DNAH12: variants seen among roughly 807,000 people sequenced by gnomAD.
The protein encoded by DNAH12 is dynein axonemal heavy chain 12.
A neutral mutation model predicts 371.5 loss-of-function variants in DNAH12; 285 were observed. The observed-to-expected ratio is 0.77, with a 90% CI of 0.70 to 0.85. DNAH12 has a LOEUF of 0.85. Among genes scored for constraint, DNAH12 ranks in the 40% least tolerant of loss-of-function variants. The pLI, the probability that DNAH12 is intolerant of heterozygous loss-of-function variation, is 0.00. For missense variants in DNAH12, 3,611 were observed against 3,689.4 expected, an observed-to-expected ratio of 0.98 and a Z score of 0.55; for synonymous variants, 1,200 against 1,213.0, an observed-to-expected ratio of 0.99 and a Z score of 0.22.
intron 59 of DNAH12, among the ~76,000 whole-genome samples, chr3:57,355,238 T>C (rs977555635): frequency 6.6e-6 from 1 of 152,156 alleles, no homozygotes; most frequent in East Asian, 1.9e-4. Flanking sequence ...ACCATGGGAA[T>C]GGGATGGAAG....
chr3:57,312,520 A>G (rs1470337133), intron 66 of DNAH12, among the ~76,000 whole-genome samples: 1 of 152,242 alleles, frequency 6.6e-6, no homozygotes, highest in African/African-American at 2.4e-5. Flanking sequence ...TACCAGGTGA[A>G]GATGGCTTAA....
At chr3:57,524,579 T>C (rs1448448489) in intron 2 of DNAH12, among the ~76,000 whole-genome samples, 2 of 151,956 alleles carry the variant, frequency 1.3e-5, no homozygotes, top group East Asian at 3.9e-4. Flanking sequence ...CAAGGACTGA[T>C]GAACTGTTTA....
At position 57,499,673 on chromosome 3, in the gene DNAH12, T is replaced by TACACAC. The variant is rs1553711698; in HGVS notation, c.1335+1647_1335+1648insGTGTGT. Among the ~76,000 whole-genome samples, 11 of 44,462 alleles carry TACACAC rather than the reference T, an allele frequency of 2.5e-4. 1 individual carries two copies. The highest frequency in any genetic ancestry group is 6.2e-4 in the African/African-American group (7 of 11,236). 29.2% of individuals were successfully genotyped at this position (44,462 alleles called of 152,430 possible). A position where few individuals can be genotyped will look rare whatever the true frequency, so the allele number is the denominator to read the frequency against. On this transcript the variant is annotated intron_variant, in intron 11 of 73. Transcript: ENST00000495027. ...ATATATATATATATATATATATATA[T>TACACAC]ATACTTCTTAAAAAAATTAGCCAGG...
At chr3:57,440,442 C>T (rs1452634073) in intron 29 of DNAH12, among the ~76,000 whole-genome samples, 1 of 152,176 alleles carries the variant, frequency 6.6e-6, no homozygotes, top group Non-Finnish European at 1.5e-5. Flanking sequence ...CCAAATACTG[C>T]ATGTTCTCAC....
intron 73 of DNAH12, among the ~76,000 whole-genome samples, chr3:57,294,176 C>CTTTT (rs62779960): frequency 7.7e-6 from 1 of 129,104 alleles, no homozygotes; most frequent in Admixed American, 7.9e-5. Flanking sequence ...CTTTTCTTTT[C>CTTTT]TTTTTTTTTT....
Position 57,323,478 on chromosome 3 carries a change from G to C in DNAH12, c.10120C>G (p.Pro3374Ala), listed in dbSNP as rs759090663. The C allele has an allele frequency of 1.9e-6, 3 of 1,545,848 alleles. No homozygotes were observed. Among genetic ancestry groups the C allele is most frequent in the Middle Eastern group, 1.7e-4 (1 of 5,982 alleles). Residue 3374 changes from proline to alanine, a missense_variant, in exon 63 of 74, where the codon CCT (proline) becomes GCT (alanine). This residue lies in a region of DNAH12 where 2,266 missense variants were observed against 2,236.9 expected (regional missense o/e 1.01). Transcript: ENST00000495027. ...LIFVLSPGAD[P>A]MASLLKFAND... Reference sequence around the variant, plus strand: ...CAGTATATGCACTTACTGGCCATAGGATCTGCTCCTGGAGATAGAACAAAA... The same window carrying C: ...CAGTATATGCACTTACTGGCCATAGCATCTGCTCCTGGAGATAGAACAAAA...
intron 38 of DNAH12, 134 bp downstream of exon 38, chr3:57,415,292 T>C: frequency 1.6e-6 from 2 of 1,227,360 alleles, no homozygotes; most frequent in Non-Finnish European, 2.2e-6. Context: ...TCCAAAAACT[T>C]GTAACTCCCC....
intron 56 of DNAH12, 94 bp from the exon 57 acceptor site, chr3:57,367,015 C>G (rs1015550594): frequency 3.9e-5 from 6 of 152,156 alleles, no homozygotes; most frequent in Non-Finnish European, 8.8e-5. Flanking sequence ...TACAAATAAA[C>G]GGTCCTAAAG....
At chr3:57,478,042 T>C (rs1432417257) in intron 13 of DNAH12, among the ~76,000 whole-genome samples, 1 of 152,062 alleles carries the variant, frequency 6.6e-6, no homozygotes, top group African/African-American at 2.4e-5. Flanking sequence ...GGAATGCAGC[T>C]CCTCACCAGC....
intron 22 of DNAH12, among the ~76,000 whole-genome samples, chr3:57,455,485 G>A (rs937728584): frequency 2.0e-5 from 3 of 151,952 alleles, no homozygotes; most frequent in Non-Finnish European, 4.4e-5. Context: ...CAGGAGAATT[G>A]CTTCAACCTG....
At chr3:57,417,879 G>A (rs1224011912) in intron 37 of DNAH12, among the ~76,000 whole-genome samples, 3 of 152,108 alleles carry the variant, frequency 2.0e-5, no homozygotes, top group African/African-American at 4.8e-5. Flanking sequence ...GGCTGGGCAC[G>A]GTGGCTCAAG....
intron 4 of DNAH12, among the ~76,000 whole-genome samples, chr3:57,516,226 G>A (rs548137535): frequency 6.6e-6 from 1 of 151,808 alleles, no homozygotes; most frequent in South Asian, 2.1e-4. Flanking sequence ...ACCATGCCCG[G>A]CTAATTTTTT....
chr3:57,347,950 C>G (rs1290708330), intron 60 of DNAH12, among the ~76,000 whole-genome samples: 3 of 152,124 alleles, frequency 2.0e-5, no homozygotes, highest in African/African-American at 4.8e-5. Context: ...CTCAGGAAGA[C>G]AGTTTGGCAG....
At chr3:57,546,297 A>G (rs11707037), upstream of DNAH12, among the ~76,000 whole-genome samples, 21,338 of 152,106 alleles carry the variant, frequency 0.14, 1,584 homozygotes, top group South Asian at 0.21. Context: ...GTTCTAAACT[A>G]ACCTTTGGGT....
chr3:57,501,481 TGA>T, intron 10 of DNAH12, 69 bp from the exon 11 acceptor site: 1 of 1,141,432 alleles, frequency 8.8e-7, no homozygotes, highest in Non-Finnish European at 1.2e-6. Flanking sequence ...TTTTTTTATA[TGA>T]TCATGGAATG....
intron 32 of DNAH12, among the ~76,000 whole-genome samples, chr3:57,432,190 G>C (rs2064976853): frequency 7.4e-6 from 1 of 135,204 alleles, no homozygotes; most frequent in Non-Finnish European, 1.6e-5. Flanking sequence ...TTTTTTCTGA[G>C]ATGGAGTCTT....
intron 37 of DNAH12, among the ~76,000 whole-genome samples, chr3:57,418,302 G>A (rs922196032): frequency 6.8e-6 from 1 of 147,640 alleles, no homozygotes; most frequent in African/African-American, 2.5e-5. Context: ...CACTTTGAGA[G>A]GCTGAGGTGG....
chr3:57,436,383 A>G (rs1198443094), intron 30 of DNAH12, among the ~76,000 whole-genome samples: 1 of 152,126 alleles, frequency 6.6e-6, no homozygotes, highest in African/African-American at 2.4e-5. Context: ...CAATCAATCC[A>G]TCTCTAGAAC....
intron 32 of DNAH12, among the ~76,000 whole-genome samples, chr3:57,431,523 C>T (rs2064955600): frequency 6.6e-6 from 1 of 152,224 alleles, no homozygotes; most frequent in African/African-American, 2.4e-5. Flanking sequence ...TTGTCTCCTA[C>T]TACACTTGCT....
Sources: gnomAD v4.1 joint callset for allele counts (sites outside exome capture counted in the v4.1 genomes callset) on GRCh38, gnomAD v4.1.1 for gene constraint, gnomAD v4.1.1 regional missense constraint, MANE v1.5 for transcripts, NCBI Gene and HGNC (gene_info 2026-07-23, HGNC 2026-07-21) for gene names.